Variants in RBFOX1 observed in about 807,000 individuals in gnomAD.
RBFOX1 encodes the protein RNA binding fox-1 homolog 1.
A neutral mutation model predicts 57.7 loss-of-function variants in RBFOX1; 8 were observed. The ratio of observed to expected loss-of-function variants is 0.14; its 90% CI spans 0.08 to 0.25. The LOEUF (loss-of-function observed/expected upper bound fraction) is 0.25. RBFOX1 is among the 10% of genes least tolerant of loss of function. The pLI is 1.00. For missense variants in RBFOX1, 611 were observed against 548.5 expected (o/e 1.11, Z -1.14); for synonymous variants, 326 against 222.4 (o/e 1.47, Z -4.15).
At chr16:6,948,375 C>CTTTTTTTTTTTTTTTTTTTTTTTTTTTT (rs968186299) in intron 3 of RBFOX1, among the ~76,000 whole-genome samples, 6 of 67,964 alleles carry the variant, frequency 8.8e-5, no homozygotes, top group East Asian at 3.6e-4. Context: ...TTCTCCCTTT[C>CTTTTTTTTTTTTTTTTTTTTTTTTTTTT]TTTTTTTTTT....
chr16:6,384,310 T>C (rs1401960280), intron 2 of RBFOX1, among the ~76,000 whole-genome samples: 1 of 152,184 alleles, frequency 6.6e-6, no homozygotes, highest in Admixed American at 6.5e-5. Flanking sequence ...ATCATCTTAT[T>C]TGTGGAGGAA....
At chr16:6,740,283 C>CAAAA (rs1317985233) in intron 3 of RBFOX1, among the ~76,000 whole-genome samples, 2 of 152,044 alleles carry the variant, frequency 1.3e-5, no homozygotes, top group Non-Finnish European at 2.9e-5. Context: ...AGGATATGTG[C>CAAAA]AAAAAACCTA....
At chr16:5,309,827 C>T (rs1207486652) in intron 1 of RBFOX1, among the ~76,000 whole-genome samples, 2 of 152,210 alleles carry the variant, frequency 1.3e-5, no homozygotes, top group Non-Finnish European at 2.9e-5. Flanking sequence ...AACCACAGTT[C>T]ATCTGACCCT....
chr16:5,800,457 G>A (rs964399311), intron 3 of RBFOX1, among the ~76,000 whole-genome samples: 7 of 152,146 alleles, frequency 4.6e-5, no homozygotes, highest in South Asian at 2.1e-4. Flanking sequence ...CCCCCAGCAC[G>A]CCCTTGAGCT....
rs555654763 is a variant in RBFOX1 at position 7,397,239 on chromosome 16, G to A, written c.28-120908G>A. 2.5e-4 allele frequency among the ~76,000 whole-genome samples: 38 copies of A among 152,310 alleles called. 1 individual carries two copies. In the South Asian group the frequency reaches 7.5e-3, roughly 30 times the overall value. On this transcript the variant is annotated intron_variant, in intron 4 of 15. Coordinates refer to ENST00000550418, the MANE Select transcript of RBFOX1 (RefSeq NM_018723.4). ...AAGAGATTTCGAAGTGAAGACTTTA[G>A]TAAGATAGAATTGTGTGTATTGTGT...
intron 1 of RBFOX1, among the ~76,000 whole-genome samples, chr16:6,103,758 C>T (rs1029229417): frequency 5.3e-5 from 8 of 152,124 alleles, no homozygotes; most frequent in Admixed American, 1.3e-4. Flanking sequence ...TGGCCAGAAC[C>T]AGTCATGTGA....
chr16:6,188,176 A>T (rs1386075411), intron 1 of RBFOX1, among the ~76,000 whole-genome samples: 1 of 152,150 alleles, frequency 6.6e-6, no homozygotes, highest in Admixed American at 6.5e-5. Flanking sequence ...TGGATAAAAA[A>T]TCCATATATA....
At chr16:6,652,276 C>T (rs1255667345) in intron 2 of RBFOX1, among the ~76,000 whole-genome samples, 2 of 152,018 alleles carry the variant, frequency 1.3e-5, no homozygotes, top group African/African-American at 4.8e-5. Context: ...TGGTGAAATC[C>T]CATCTCTACT....
At chr16:7,518,509 G>GC in intron 5 of RBFOX1, 120 bp downstream of exon 5, 1 of 1,343,256 alleles carries the variant, frequency 7.4e-7, no homozygotes, top group Non-Finnish European at 9.9e-7. Flanking sequence ...CAGTCCCTAA[G>GC]CCCACCCTCA....
At chr16:6,574,906 C>T (rs1467695842) in intron 2 of RBFOX1, among the ~76,000 whole-genome samples, 4 of 151,402 alleles carry the variant, frequency 2.6e-5, no homozygotes, top group South Asian at 4.2e-4. Context: ...GGCGTGGTGG[C>T]GGGCGCCTGT....
intron 4 of RBFOX1, among the ~76,000 whole-genome samples, chr16:5,966,356 C>A (rs2059843165): frequency 6.6e-6 from 1 of 152,182 alleles, no homozygotes; most frequent in Non-Finnish European, 1.5e-5. Context: ...AGGGAAGCCT[C>A]ATGGGGCTTT....
intron 2 of RBFOX1, among the ~76,000 whole-genome samples, chr16:6,647,265 A>T (rs1244819654): frequency 1.3e-5 from 2 of 152,008 alleles, no homozygotes; most frequent in East Asian, 1.9e-4. Context: ...TATTTTTGAG[A>T]TGGAATCTTG....
intron 4 of RBFOX1, among the ~76,000 whole-genome samples, chr16:7,430,168 T>C (rs17143673): frequency 1.3e-5 from 2 of 152,190 alleles, no homozygotes; most frequent in Admixed American, 1.3e-4. Context: ...TCTAGCACAT[T>C]TAAATATTTT....
intron 4 of RBFOX1, among the ~76,000 whole-genome samples, chr16:7,430,409 C>A (rs2098667336): frequency 6.6e-6 from 1 of 152,162 alleles, no homozygotes. Flanking sequence ...TGCCTGTAAT[C>A]CCAGCACTTC....
At chr16:7,633,472 C>G (rs1222000605) in intron 11 of RBFOX1, among the ~76,000 whole-genome samples, 1 of 152,080 alleles carries the variant, frequency 6.6e-6, no homozygotes, top group Non-Finnish European at 1.5e-5. Flanking sequence ...ATATTTTAAT[C>G]TATTCCCCCA....
intron 4 of RBFOX1, among the ~76,000 whole-genome samples, chr16:5,955,360 A>AAG (rs1567187902): frequency 5.5e-4 from 32 of 57,866 alleles, no homozygotes; most frequent in Non-Finnish European, 6.7e-4. Flanking sequence ...ATAAATAAAA[A>AAG]TAAAATAAAA....
At chr16:5,744,525 C>T (rs2052900423) in intron 3 of RBFOX1, among the ~76,000 whole-genome samples, 1 of 152,154 alleles carries the variant, frequency 6.6e-6, no homozygotes, top group African/African-American at 2.4e-5. Flanking sequence ...ACTCCACCTT[C>T]AGTGGCTTTG....
intron 5 of RBFOX1, among the ~76,000 whole-genome samples, chr16:7,530,996 C>G (rs963030040): frequency 6.6e-6 from 1 of 152,142 alleles, no homozygotes; most frequent in Admixed American, 6.5e-5. Context: ...GACAGAAGTT[C>G]CACGGGCAAG....
At chr16:5,942,019 G>C (rs2059289325) in intron 4 of RBFOX1, among the ~76,000 whole-genome samples, 1 of 151,836 alleles carries the variant, frequency 6.6e-6, no homozygotes, top group Non-Finnish European at 1.5e-5. Flanking sequence ...ACAGAAATCA[G>C]TCATTAGTAA....
Sources: gnomAD v4.1 joint callset for allele counts (sites outside exome capture counted in the v4.1 genomes callset) on GRCh38, gnomAD v4.1.1 for gene constraint, MANE v1.5 for transcripts, NCBI Gene and HGNC (gene_info 2026-07-23, HGNC 2026-07-21) for gene names.